NECTIN3: variants seen among roughly 807,000 people sequenced by gnomAD.
NECTIN3 encodes the protein nectin-3.
Under a neutral mutation model 49.4 loss-of-function variants are expected in NECTIN3, and 8 were observed. That is an observed-to-expected ratio of 0.16 (90% CI 0.10 to 0.29). The LOEUF is 0.29. Ranked by LOEUF, NECTIN3 falls within the 10% of genes least tolerant of loss-of-function variation. NECTIN3 has a pLI of 1.00. For synonymous variants in NECTIN3, 277 were observed against 241.1 expected, an observed-to-expected ratio of 1.15 and a Z score of -1.38; for missense variants, 581 against 654.6, an observed-to-expected ratio of 0.89 and a Z score of 1.23.
intron 1 of NECTIN3, among the ~76,000 whole-genome samples, chr3:111,100,293 A>G (rs996199206): frequency 5.9e-5 from 9 of 152,140 alleles, no homozygotes; most frequent in African/African-American, 2.2e-4. Flanking sequence ...TACATTGTCA[A>G]CTTCTAAGAA....
chr3:111,127,593 G>T (rs923792514), intron 5 of NECTIN3, among the ~76,000 whole-genome samples: 1 of 150,316 alleles, frequency 6.7e-6, no homozygotes, highest in Non-Finnish European at 1.5e-5. Flanking sequence ...ACGTGGTCTC[G>T]CTGTGTCACC....
At chr3:111,157,852 A>G (rs140341105) in intron 7 of NECTIN3, among the ~76,000 whole-genome samples, 66 of 152,230 alleles carry the variant, frequency 4.3e-4, no homozygotes, top group African/African-American at 1.5e-3. Flanking sequence ...ACTTGAGACC[A>G]ATGTTCTACA....
intron 7 of NECTIN3, among the ~76,000 whole-genome samples, chr3:111,173,820 CCTG>C (rs2035476989): frequency 6.6e-6 from 1 of 151,870 alleles, no homozygotes; most frequent in Non-Finnish European, 1.5e-5. Context: ...TTTTTGTACA[CCTG>C]CAGCTTCTGC....
At chr3:111,109,273 A>G (rs2033352770) in intron 1 of NECTIN3, among the ~76,000 whole-genome samples, 1 of 152,140 alleles carries the variant, frequency 6.6e-6, no homozygotes, top group African/African-American at 2.4e-5. Flanking sequence ...AATGAATTTT[A>G]GGGAGGACAC....
chr3:111,137,592 A>G (rs1056291812), downstream of NECTIN3: 11 of 721,434 alleles, frequency 1.5e-5, no homozygotes, highest in African/African-American at 2.0e-5. Flanking sequence ...GCTCTATGTT[A>G]CCATCTTTGT....
At chr3:111,133,554 C>CT in intron 5 of NECTIN3, 81 bp from the exon 6 acceptor site, 1 of 1,503,470 alleles carries the variant, frequency 6.7e-7, no homozygotes, top group Non-Finnish European at 8.9e-7. Flanking sequence ...ACTGTGCTGT[C>CT]TTGTCAACTT....
At position 111,105,707 on chromosome 3, in the gene NECTIN3, G is replaced by C. The variant is rs185870550; in HGVS notation, c.161-6323G>C. Reference sequence around the variant, plus strand: ...TTCTTTTTCTTGCTTGATTGTACTGGCTAGAACCTTCAGTACAATTTTGGA... The same window carrying C: ...TTCTTTTTCTTGCTTGATTGTACTGCCTAGAACCTTCAGTACAATTTTGGA... On this transcript the variant is annotated intron_variant, in intron 1 of 5. Transcript: ENST00000485303. 3.3e-5 allele frequency among the ~76,000 whole-genome samples: 5 copies of C among 152,108 alleles called. No individual in the cohort carries two copies. In the East Asian group the frequency reaches 9.7e-4, roughly 29 times the overall value.
intron 7 of NECTIN3, among the ~76,000 whole-genome samples, chr3:111,165,678 A>G (rs1017110919): frequency 1.3e-5 from 2 of 152,180 alleles, no homozygotes; most frequent in African/African-American, 4.8e-5. Flanking sequence ...GTAAAACTTA[A>G]AAAGCCGTCA....
At position 111,137,122 on chromosome 3, in the gene NECTIN3, TGTA is replaced by T. The variant is rs760892951; in HGVS notation, c.*2910_*2912del. On this transcript the variant is annotated 3_prime_UTR_variant, in exon 6 of 6. Coordinates refer to ENST00000485303, the MANE Select transcript of NECTIN3 (RefSeq NM_015480.3). The stretch of plus-strand genomic sequence containing the variant: ...GTATAAGTACAGAAATTGAGAGAAA[TGTA>T]GTCATTTTATATGTGAAAACATCTG... 4.6e-5 allele frequency: 45 copies of T among 975,480 alleles called. No individual in the cohort carries two copies. Among genetic ancestry groups the T allele is most frequent in the Non-Finnish European group, 5.4e-5 (44 of 821,240 alleles). The allele number at this position is 975,480 out of a possible 1,614,324, so 60.4% of individuals were successfully genotyped here.
At chr3:111,090,129 C>T (rs2032175448) in intron 1 of NECTIN3, among the ~76,000 whole-genome samples, 1 of 152,022 alleles carries the variant, frequency 6.6e-6, no homozygotes, top group Non-Finnish European at 1.5e-5. Context: ...CTTTCTGTGT[C>T]CTTAAATTTA....
chr3:111,137,294 A>C lies in NECTIN3; in HGVS notation c.*3079A>C, dbSNP rs561494736. ...TAATTCTAATAGGAGAGTAGATTGT[A>C]GATTGAATTGTCTTTCCTGTTTACT... On this transcript the variant is annotated 3_prime_UTR_variant, in exon 6 of 6. Transcript: ENST00000485303. 2.1e-5 allele frequency: 20 copies of C among 964,332 alleles called. 1 individual carries two copies. In the South Asian group the frequency reaches 7.7e-4, roughly 37 times the overall value. 59.7% of individuals were successfully genotyped at this position (964,332 alleles called of 1,614,324 possible).
At chr3:111,166,755 G>T (rs913692613) in intron 7 of NECTIN3, among the ~76,000 whole-genome samples, 12 of 152,166 alleles carry the variant, frequency 7.9e-5, no homozygotes, top group Admixed American at 2.6e-4. Context: ...AGTAATGATC[G>T]AAAGCTTTGG....
At chr3:111,122,260 G>A in intron 4 of NECTIN3, 22 bp downstream of exon 4, 1 of 1,527,162 alleles carries the variant, frequency 6.5e-7, no homozygotes, top group Non-Finnish European at 9.0e-7. Flanking sequence ...TACTTCGAAA[G>A]AGAAATTATC....
chr3:111,143,187 TTGGC>T (rs1315402174), intron 5 of NECTIN3, among the ~76,000 whole-genome samples: 1 of 151,918 alleles, frequency 6.6e-6, no homozygotes, highest in African/African-American at 2.4e-5. Context: ...AGAATGATAT[TTGGC>T]TGTACTGGGT....
At chr3:111,088,159 G>T (rs1022012752) in intron 1 of NECTIN3, among the ~76,000 whole-genome samples, 2 of 152,070 alleles carry the variant, frequency 1.3e-5, no homozygotes, top group African/African-American at 4.8e-5. Flanking sequence ...GCCCTCCCTG[G>T]GGTGGTAGAG....
intron 7 of NECTIN3, among the ~76,000 whole-genome samples, chr3:111,171,955 ATTCTGCATC>A (rs1407360039): frequency 2.0e-5 from 3 of 152,228 alleles, no homozygotes; most frequent in Admixed American, 6.5e-5. Flanking sequence ...TTACCTAAAT[ATTCTGCATC>A]TTCTTGTTTT....
rs533146769 is a variant in NECTIN3 at position 111,143,105 on chromosome 3, C to G, written c.1001-1794C>G. Among the ~76,000 whole-genome samples the G allele has an allele frequency of 7.4e-4, 112 of 151,832 alleles. 4 individuals carry two copies. In the Middle Eastern group the frequency reaches 0.024, roughly 32 times the overall value. On this transcript the variant is annotated intron_variant, in intron 5 of 8. Coordinates refer to the NECTIN3 transcript ENST00000493615. ...TGTGTTCAGTGGTCAAAGTTATAAT[C>G]TATATGGTGGGGAAAAGGATAATAT...
intron 7 of NECTIN3, among the ~76,000 whole-genome samples, chr3:111,186,254 A>G (rs1262782075): frequency 1.3e-5 from 2 of 152,168 alleles, no homozygotes; most frequent in African/African-American, 2.4e-5. Flanking sequence ...AGCCAAGGCA[A>G]TCATAAACAA....
chr3:111,147,111 A>G (rs1327939806), intron 6 of NECTIN3, among the ~76,000 whole-genome samples: 2 of 152,184 alleles, frequency 1.3e-5, no homozygotes, highest in African/African-American at 4.8e-5. Flanking sequence ...AACATGCACT[A>G]AAGTAAAGTC....
Sources: allele counts gnomAD v4.1 joint callset (sites outside exome capture counted in the v4.1 genomes callset), GRCh38; gene constraint gnomAD v4.1.1; transcripts MANE v1.5; gene names NCBI Gene and HGNC (gene_info 2026-07-23, HGNC 2026-07-21).